The following PFAS variants were observed in gnomAD, a reference collection of about 807,000 sequenced individuals.
The protein encoded by PFAS is phosphoribosylformylglycinamidine synthase.
PFAS carries 97 observed loss-of-function variants against 140.6 expected under a neutral mutation model. That is an observed-to-expected ratio of 0.69 (90% CI 0.59 to 0.82). The LOEUF (loss-of-function observed/expected upper bound fraction) is 0.82. Among genes scored for constraint, PFAS ranks in the 40% least tolerant of loss-of-function variants. The pLI is 0.00. For missense variants in PFAS, 1,656 were observed against 1,780.2 expected (o/e 0.93, Z 1.26); for synonymous variants, 679 against 718.8 (o/e 0.94, Z 0.88).
Position 8,255,871 on chromosome 17 carries a change from C to G in PFAS, c.641C>G (p.Pro214Arg). ...TKRFQELQRN[P>R]STVEAFDLAQ... ...CGCTTCCAGGAGCTACAGCGGAACC[C>G]GAGCACTGTGGAGGCCTTTGACTTG... Residue 214 changes from proline (P) to arginine (R), a missense_variant, in exon 6 of 28, where the codon CCG (proline) becomes CGG (arginine). Pro to Arg is a moderately radical substitution (Grantham distance 103). Around this residue, in one of 2 missense-constraint regions of PFAS, gnomAD observed 773 missense variants for 757.3 expected, o/e 1.02. Coordinates refer to ENST00000314666, the MANE Select transcript of PFAS (RefSeq NM_012393.3). The G allele has an allele frequency of 6.2e-7, 1 of 1,614,042 alleles. No homozygotes were observed. The highest frequency in any genetic ancestry group is 1.7e-5 in the Admixed American group (1 of 60,010).
Position 8,267,441 on chromosome 17 carries a change from C to G in PFAS, c.3245C>G (p.Ala1082Gly). ...GSNGDREMAD[A>G]FHLAGFEVWD... ...AATGGAGACCGGGAGATGGCCGATG[C>G]CTTCCACTTAGCTGGGTTTGAGGTG... The change falls in exon 25 of 28, where the codon GCC becomes GGC. Residue 1082 changes from alanine (A) to glycine (G), a missense_variant. By Grantham distance (60) the Ala-to-Gly change is moderately conservative. Coordinates refer to ENST00000314666, the MANE Select transcript of PFAS (RefSeq NM_012393.3). This position sits in a 1 kb window ranked among gnomAD's most constrained non-coding sequence, Gnocchi z 4.9. The G allele has an allele frequency of 1.9e-6, 3 of 1,614,106 alleles. No individual in the cohort carries two copies. The highest frequency in any genetic ancestry group is 2.5e-6 in the Non-Finnish European group (3 of 1,179,968).
upstream of PFAS, chr17:8,248,159 G>A (rs560407711): frequency 4.0e-6 from 3 of 748,022 alleles, no homozygotes; most frequent in Non-Finnish European, 7.0e-6. Context: ...GCTCCTTCTC[G>A]CTGCTCACCC....
intron 13 of PFAS, 47 bp from the exon 14 acceptor site, chr17:8,263,527 GC>G (rs1281499856): frequency 6.5e-7 from 1 of 1,529,614 alleles, no homozygotes; most frequent in East Asian, 2.3e-5. Context: ...GCCCTTTGTT[GC>G]CTGACCACCA....
chr17:8,260,321 G>C (rs1392524320), intron 11 of PFAS, among the ~76,000 whole-genome samples: 1 of 152,102 alleles, frequency 6.6e-6, no homozygotes, highest in Admixed American at 6.6e-5. Flanking sequence ...TAATCTTAAG[G>C]GATCACTGTT....
At chr17:8,252,564 C>T (rs905945917) in intron 1 of PFAS, among the ~76,000 whole-genome samples, 5 of 151,138 alleles carry the variant, frequency 3.3e-5, no homozygotes, top group African/African-American at 4.9e-5. Flanking sequence ...TCACCACGCC[C>T]GGCTAATTTT....
At chr17:8,248,410 AT>A (rs35534210), upstream of PFAS, among the ~76,000 whole-genome samples, 230 of 67,634 alleles carry the variant, frequency 3.4e-3, 6 homozygotes, top group South Asian at 0.014. Flanking sequence ...CGCCCGGCTA[AT>A]TTTTTTTTTT....
Position 8,268,586 on chromosome 17 carries a change from T to C in PFAS, c.3436T>C (p.Phe1146Leu). 6.2e-7 allele frequency: 1 copy of C among 1,612,884 alleles called. No homozygotes were observed. Among genetic ancestry groups the C allele is most frequent in the African/African-American group, 1.3e-5 (1 of 74,922 alleles). The change falls in exon 27 of 28, where the codon TTC becomes CTC. Residue 1146 changes from phenylalanine (F) to leucine (L), a missense_variant. Physicochemically the swap from Phe to Leu is conservative, Grantham distance 22. This residue lies in a region of PFAS where 883 missense variants were observed against 1,023.0 expected (regional missense o/e 0.86). Transcript: ENST00000314666. Reference sequence around the variant, plus strand: ...CAGGGCTGGGGCTGAGCTGAGGCGCTTCCGGAAGCGGCCAGACACCTTCAG... The same window carrying C: ...CAGGGCTGGGGCTGAGCTGAGGCGCCTCCGGAAGCGGCCAGACACCTTCAG... ...HPRAGAELRR[F>L]RKRPDTFSLG...
chr17:8,266,366 G>A lies in PFAS; in HGVS notation c.2821+13G>A, dbSNP rs1318848310. ...CCCAGGGTTGATGGTAAGGAACCTG[G>A]GGTCTAGTCTCAGGCCCGGGCTGCC... On this transcript the variant is annotated intron_variant, in intron 22 of 27. Coordinates refer to ENST00000314666, the MANE Select transcript of PFAS (RefSeq NM_012393.3). This position sits in a 1 kb window ranked among gnomAD's most constrained non-coding sequence, Gnocchi z 5.0. 1.9e-6 allele frequency: 3 copies of A among 1,613,892 alleles called. No individual in the cohort carries two copies. Among genetic ancestry groups the A allele is most frequent in the East Asian group, 2.2e-5 (1 of 44,868 alleles).
rs1989884938 is a variant in PFAS at position 8,267,891 on chromosome 17, AAATATATATTATTT to A, written c.3382+228_3382+241del. ...ATATGTAATTAAAATATATATTATT[AAATATATATTATTT>A]ATATATATTATTTATATATTATTAA... On this transcript the variant is annotated intron_variant, in intron 26 of 27. Coordinates refer to ENST00000314666, the MANE Select transcript of PFAS (RefSeq NM_012393.3). This position sits in a 1 kb window ranked among gnomAD's most constrained non-coding sequence, Gnocchi z 4.9. Among the ~76,000 whole-genome samples the A allele has an allele frequency of 6.9e-6, 1 of 143,920 alleles. No homozygotes were observed. Among genetic ancestry groups the A allele is most frequent in the Admixed American group, 7.2e-5 (1 of 13,958 alleles). 94.4% of individuals were successfully genotyped at this position (143,920 alleles called of 152,430 possible).
chr17:8,254,223 C>T lies in PFAS; in HGVS notation c.200C>T (p.Pro67Leu). 6.2e-7 allele frequency: 1 copy of T among 1,614,060 alleles called. No individual in the cohort carries two copies. Among genetic ancestry groups the T allele is most frequent in the Non-Finnish European group, 8.5e-7 (1 of 1,179,992 alleles). ...TKKLMWLFGC[P>L]LLLDDVARES... is the part of the protein sequence containing the mutation. ...AAGCTGATGTGGCTGTTTGGTTGCCCCTTACTGCTGGATGATGTTGCTCGG... is the reference window on the plus strand; with the variant it reads ...AAGCTGATGTGGCTGTTTGGTTGCCTCTTACTGCTGGATGATGTTGCTCGG... The change falls in exon 3 of 28, where the codon CCC (proline) becomes CTC (leucine). Residue 67 changes from proline (P) to leucine (L), a missense_variant. This residue lies in a region of PFAS where 773 missense variants were observed against 757.3 expected (regional missense o/e 1.02). Coordinates refer to ENST00000314666, the MANE Select transcript of PFAS (RefSeq NM_012393.3).
intron 20 of PFAS, 79 bp from the exon 21 acceptor site, chr17:8,265,783 G>A (rs968910868): frequency 1.5e-6 from 2 of 1,368,516 alleles, no homozygotes; most frequent in African/African-American, 1.4e-5. Context: ...CACATGCTGG[G>A]AATAGCAGTG....
At chr17:8,251,796 C>G (rs1369054547) in intron 1 of PFAS, among the ~76,000 whole-genome samples, 2 of 151,062 alleles carry the variant, frequency 1.3e-5, no homozygotes, top group African/African-American at 4.9e-5. Flanking sequence ...CTCAGCCTCC[C>G]GAGTAGCTGG....
In PFAS at chr17:8,267,083, G is replaced by T; in HGVS notation, c.3023G>T (p.Arg1008Leu). 2 of 1,614,010 alleles carry T rather than the reference G, an allele frequency of 1.2e-6. No individual in the cohort carries two copies. Among genetic ancestry groups the T allele is most frequent in the South Asian group, 2.2e-5 (2 of 91,062 alleles). ...CTGGAGGAGCCTGTTGGGGAGCTGC[G>T]AGCCCTCTGGGAGGAGACGAGTTTC... is the stretch of plus-strand genomic sequence containing the variant. ...VVLEEPVGEL[R>L]ALWEETSFQL... Residue 1008 changes from arginine to leucine, a missense_variant, in exon 24 of 28, where the codon CGA becomes CTA. Around this residue, in one of 2 missense-constraint regions of PFAS, gnomAD observed 883 missense variants for 1,023.0 expected, o/e 0.86. Transcript: ENST00000314666. The surrounding 1 kb of genome is among the most constrained non-coding windows in gnomAD (Gnocchi z 4.9).
In PFAS at chr17:8,256,400, A is replaced by G; in HGVS notation, c.814A>G (p.Asn272Asp). The change falls in exon 7 of 28, where the codon AAC (asparagine) becomes GAC (aspartate). Residue 272 changes from asparagine (N) to aspartate (D), a missense_variant. Asn to Asp is a conservative substitution (Grantham distance 23, BLOSUM62 1). This residue lies in a region of PFAS where 773 missense variants were observed against 757.3 expected (regional missense o/e 1.02). Coordinates refer to ENST00000314666, the MANE Select transcript of PFAS (RefSeq NM_012393.3). Reference protein sequence around the residue: ...NPNNVLKFCDNSSAIQGKEVR... With the variant: ...NPNNVLKFCDDSSAIQGKEVR... ...CAACAACGTCCTCAAATTCTGTGAT[A>G]ACAGCAGGTGCTGTGCCCTAGACTG... The G allele has an allele frequency of 1.2e-6, 2 of 1,614,088 alleles. No individual in the cohort carries two copies. The highest frequency in any genetic ancestry group is 8.5e-7 in the Non-Finnish European group (1 of 1,180,042).
rs1409582250 is a variant in PFAS at position 8,266,862 on chromosome 17, G to C, written c.2931G>C (p.Glu977Asp). The C allele has an allele frequency of 6.2e-7, 1 of 1,608,708 alleles. No individual in the cohort carries two copies. The highest frequency in any genetic ancestry group is 8.5e-7 in the Non-Finnish European group (1 of 1,179,514). ...GGGATGCTGGCCTCCATTGCCTGGA[G>C]CTGGGCCACACAGGCGAGGCCGGGC... ...RYRDAGLHCL[E>D]LGHTGEAGPH... Residue 977 changes from glutamate to aspartate, a missense_variant, in exon 23 of 28, where the codon GAG (glutamate) becomes GAC (aspartate). Physicochemically the swap from Glu to Asp is conservative, Grantham distance 45. Around this residue, in one of 2 missense-constraint regions of PFAS, gnomAD observed 883 missense variants for 1,023.0 expected, o/e 0.86. Coordinates refer to ENST00000314666, the MANE Select transcript of PFAS (RefSeq NM_012393.3). The surrounding 1 kb of genome is among the most constrained non-coding windows in gnomAD (Gnocchi z 5.0).
upstream of PFAS, chr17:8,248,035 A>T (rs1299853886): frequency 4.4e-6 from 6 of 1,374,300 alleles, no homozygotes; most frequent in Non-Finnish European, 4.9e-6. Context: ...GCCAGCCGCC[A>T]TGATGCGCCG....
At chr17:8,259,143 C>A (rs918344624) in intron 11 of PFAS, among the ~76,000 whole-genome samples, 2 of 149,218 alleles carry the variant, frequency 1.3e-5, no homozygotes, top group Non-Finnish European at 3.0e-5. Context: ...AAAAAAAAGA[C>A]GTGGTAAATA....
At chr17:8,250,987 TA>T (rs1287620350) in intron 1 of PFAS, among the ~76,000 whole-genome samples, 1 of 151,546 alleles carries the variant, frequency 6.6e-6, no homozygotes, top group African/African-American at 2.4e-5. Flanking sequence ...TTATTTTTTT[TA>T]ATTTGAAAGA....
At position 8,266,469 on chromosome 17, in the gene PFAS, T is replaced by C. The variant is rs1217541537; in HGVS notation, c.2821+116T>C. The C allele has an allele frequency of 3.3e-6, 5 of 1,519,854 alleles. No homozygotes were observed. Among genetic ancestry groups the C allele is most frequent in the Non-Finnish European group, 4.4e-6 (5 of 1,134,886 alleles). 94.1% of individuals were successfully genotyped at this position (1,519,854 alleles called of 1,614,324 possible). On this transcript the variant is annotated intron_variant, in intron 22 of 27. Coordinates refer to ENST00000314666, the MANE Select transcript of PFAS (RefSeq NM_012393.3). This position sits in a 1 kb window ranked among gnomAD's most constrained non-coding sequence, Gnocchi z 5.0. ...CAGTCCCCTTTCCCTGAGTCTTCCC[T>C]GACTAGCTTTTCTGTGCTGTCTCTC... is the stretch of plus-strand genomic sequence containing the variant.
Sources: gnomAD v4.1 joint callset for allele counts (sites outside exome capture counted in the v4.1 genomes callset) on GRCh38, gnomAD v4.1.1 for gene constraint, gnomAD v4.1.1 regional missense constraint, Gnocchi (gnomAD v3.1) non-coding constraint, MANE v1.5 for transcripts, NCBI Gene and HGNC (gene_info 2026-07-23, HGNC 2026-07-21) for gene names.